The following ACTR3C variants were observed in gnomAD, a reference collection of about 807,000 sequenced individuals.
ACTR3C encodes actin-related protein 3C.
A neutral mutation model predicts 26.3 loss-of-function variants in ACTR3C; 18 were observed. The ratio of observed to expected loss-of-function variants is 0.68; its 90% CI spans 0.47 to 1.01. ACTR3C has a LOEUF of 1.01. Among genes scored for constraint, ACTR3C ranks in the 50% least tolerant of loss-of-function variants. The pLI is 0.00. For synonymous variants in ACTR3C, 55 were observed against 94.5 expected (o/e 0.58, Z 2.42); for missense variants, 184 against 250.7 (o/e 0.73, Z 1.80).
chr7:150,201,039 T>A, the ACTR3C span, among the ~76,000 whole-genome samples: 2 of 152,254 alleles, frequency 1.3e-5, no homozygotes, highest in Non-Finnish European at 2.9e-5. Flanking sequence ...GATCATGAAC[T>A]AACTTTCTAG....
At chr7:149,997,289 C>A in the ACTR3C span, among the ~76,000 whole-genome samples, 1 of 152,118 alleles carries the variant, frequency 6.6e-6, no homozygotes. Flanking sequence ...GCAACGTGAC[C>A]TCTTGGCCAC....
chr7:150,136,669 C>CATAAATAAATAAATAA, the ACTR3C span, among the ~76,000 whole-genome samples: 2,904 of 148,330 alleles, frequency 0.02, 98 homozygotes, highest in African/African-American at 0.071. Context: ...GACTCCATCT[C>CATAAATAAATAAATAA]ATAAATAAAT....
At chr7:150,060,257 G>T in the ACTR3C span, among the ~76,000 whole-genome samples, 1 of 151,830 alleles carries the variant, frequency 6.6e-6, no homozygotes, top group East Asian at 1.9e-4. Context: ...AGAACAGAAA[G>T]CAAGAGAAAC....
At chr7:150,139,917 C>G in the ACTR3C span, among the ~76,000 whole-genome samples, 1 of 152,186 alleles carries the variant, frequency 6.6e-6, no homozygotes, top group Non-Finnish European at 1.5e-5. Flanking sequence ...GGGGAGCAAT[C>G]AACTCATTGT....
chr7:150,208,034 C>T, the ACTR3C span, among the ~76,000 whole-genome samples: 1 of 152,106 alleles, frequency 6.6e-6, no homozygotes, highest in African/African-American at 2.4e-5. Context: ...CTTGTACAAA[C>T]ATAGGAAACA....
chr7:150,237,902 G>T, the ACTR3C span, among the ~76,000 whole-genome samples: 1 of 147,140 alleles, frequency 6.8e-6, no homozygotes, highest in Non-Finnish European at 1.5e-5. Flanking sequence ...TCCCACGCAG[G>T]TTATTTTCCC....
chr7:150,103,795 T>C, the ACTR3C span, among the ~76,000 whole-genome samples: 1 of 152,052 alleles, frequency 6.6e-6, no homozygotes, highest in African/African-American at 2.4e-5. Flanking sequence ...TCAACATTCA[T>C]ATAACATACA....
At chr7:150,270,803 G>A (rs549029379) in intron 6 of ACTR3C, among the ~76,000 whole-genome samples, 3 of 151,808 alleles carry the variant, frequency 2.0e-5, no homozygotes, top group African/African-American at 7.3e-5. Flanking sequence ...ACTGCTCACC[G>A]TCTAGCTGCC....
intron 3 of ACTR3C, 64 bp from the exon 4 acceptor site, chr7:150,289,657 T>G: frequency 6.4e-7 from 1 of 1,573,252 alleles, no homozygotes; most frequent in Non-Finnish European, 8.7e-7. Flanking sequence ...CAGCCTGGAC[T>G]CACGAGGTTT....
At chr7:150,039,159 A>T in the ACTR3C span, among the ~76,000 whole-genome samples, 21 of 149,922 alleles carry the variant, frequency 1.4e-4, no homozygotes, top group African/African-American at 3.4e-4. Context: ...CGGTGGGGGA[A>T]GAGGGTCTGG....
chr7:150,315,996 G>A (rs1017432538), intron 1 of ACTR3C, among the ~76,000 whole-genome samples: 11 of 152,270 alleles, frequency 7.2e-5, no homozygotes, highest in South Asian at 4.2e-4. Context: ...TCAGGAGTTC[G>A]AGACCAGCCT....
At chr7:149,895,963 C>T in the ACTR3C span, among the ~76,000 whole-genome samples, 10 of 145,136 alleles carry the variant, frequency 6.9e-5, no homozygotes, top group Admixed American at 4.4e-4. Flanking sequence ...TTTGGGTGGT[C>T]GAGACAGGCA....
chr7:150,036,607 G>A, the ACTR3C span, among the ~76,000 whole-genome samples: 75 of 143,760 alleles, frequency 5.2e-4, 9 homozygotes, highest in South Asian at 1.8e-3. Flanking sequence ...CAATGTTTGG[G>A]ATCCACAGTC....
the ACTR3C span, among the ~76,000 whole-genome samples, chr7:150,133,109 G>A: frequency 1.3e-5 from 2 of 152,048 alleles, no homozygotes; most frequent in South Asian, 2.1e-4. Context: ...CATGCACACA[G>A]GACGAATTCC....
At chr7:150,283,313 C>G (rs1327638161) in intron 6 of ACTR3C, among the ~76,000 whole-genome samples, 1 of 150,174 alleles carries the variant, frequency 6.7e-6, no homozygotes, top group Non-Finnish European at 1.5e-5. Context: ...TAGCTTTCTT[C>G]ATTTGCATAC....
chr7:149,974,553 A>ACGC, the ACTR3C span, among the ~76,000 whole-genome samples: 1 of 152,096 alleles, frequency 6.6e-6, no homozygotes, highest in African/African-American at 2.4e-5. Flanking sequence ...CCTCCACACC[A>ACGC]CGCCACCACC....
At chr7:150,200,592 C>A in the ACTR3C span, among the ~76,000 whole-genome samples, 1 of 152,138 alleles carries the variant, frequency 6.6e-6, no homozygotes, top group Non-Finnish European at 1.5e-5. Context: ...TCACTTGAAG[C>A]CCCACATCCA....
intron 1 of ACTR3C, among the ~76,000 whole-genome samples, chr7:150,309,097 G>A (rs541772479): frequency 4.6e-5 from 7 of 152,210 alleles, no homozygotes; most frequent in Non-Finnish European, 1.0e-4. Flanking sequence ...AAGGCATCAG[G>A]GCAGTTCCCC....
At chr7:149,894,227 A>G in the ACTR3C span, among the ~76,000 whole-genome samples, 1 of 152,196 alleles carries the variant, frequency 6.6e-6, no homozygotes, top group Admixed American at 6.5e-5. Context: ...CTTATCTCTC[A>G]ACCATATACA....
Sources: gnomAD v4.1 joint callset for allele counts (sites outside exome capture counted in the v4.1 genomes callset) on GRCh38, gnomAD v4.1.1 for gene constraint, MANE v1.5 for transcripts, NCBI Gene and HGNC (gene_info 2026-07-23, HGNC 2026-07-21) for gene names.